The following SPEG variants were observed in gnomAD, a reference collection of about 807,000 sequenced individuals.
The protein encoded by SPEG is striated muscle enriched protein kinase.
A neutral mutation model predicts 300.4 loss-of-function variants in SPEG; 114 were observed. The observed-to-expected ratio is 0.38, with a 90% CI of 0.33 to 0.44. SPEG has a LOEUF of 0.44. Among genes scored for constraint, SPEG ranks in the 20% least tolerant of loss-of-function variants. The pLI is 1.00. For missense variants in SPEG, 4,201 were observed against 4,586.2 expected, an observed-to-expected ratio of 0.92 and a Z score of 2.43; for synonymous variants, 1,964 against 2,018.9, an observed-to-expected ratio of 0.97 and a Z score of 0.73.
chr2:219,437,462 C>T lies in SPEG; in HGVS notation c.388+2097C>T, dbSNP rs62191874. ...GGCTGACAGTGTGCAGGCTGGGCTG[C>T]TCTGGTGGAACAGCAGGCTTGAGAG... On this transcript the variant is annotated intron_variant, in intron 1 of 40. Coordinates refer to ENST00000312358, the MANE Select transcript of SPEG (RefSeq NM_005876.5). 1,259 of 152,354 alleles carry T rather than the reference C, an allele frequency of 8.3e-3. 10 individuals carry two copies. Among genetic ancestry groups the T allele is most frequent in the Non-Finnish European group, 0.011 (782 of 68,118 alleles). The allele number at this position is 152,354 out of a possible 1,614,324, so 9.4% of individuals were successfully genotyped here.
rs939941000 is a variant in SPEG at position 219,445,343 on chromosome 2, G to A, written c.815+182G>A. Reference sequence around the variant, plus strand: ...TCCCTCCTCCTCCTGAGCCATCACCGCCCACATCCCCCTGCTCCCACCTGT... The same window carrying A: ...TCCCTCCTCCTCCTGAGCCATCACCACCCACATCCCCCTGCTCCCACCTGT... On this transcript the variant is annotated intron_variant, in intron 3 of 40. Transcript: ENST00000312358. The surrounding 1 kb of genome is among the most constrained non-coding windows in gnomAD (Gnocchi z 6.1). Among the ~76,000 whole-genome samples, 12 of 151,988 alleles carry A rather than the reference G, an allele frequency of 7.9e-5. No homozygotes were observed. The East Asian group carries it at 1.7e-3, about 22-fold the overall frequency.
rs1692793920 is a variant in SPEG at position 219,481,028 on chromosome 2, T to TC, written c.5370-275dup. ...GGCACATCCCCTTGGCACAGACTCT[T>TC]CACTCATGGAGAGGCCACACTGGAG... On this transcript the variant is annotated intron_variant, in intron 26 of 40. Transcript: ENST00000312358. This position sits in a 1 kb window ranked among gnomAD's most constrained non-coding sequence, Gnocchi z 5.4. 6.6e-6 allele frequency among the ~76,000 whole-genome samples: 1 copy of TC among 152,146 alleles called. No individual in the cohort carries two copies. Among genetic ancestry groups the TC allele is most frequent in the Non-Finnish European group, 1.5e-5 (1 of 68,012 alleles).
chr2:219,485,390 C>CCGG lies in SPEG; in HGVS notation c.7656_7657insGCG (p.Pro2552_Arg2553insAla). The CCGG allele has an allele frequency of 1.9e-6, 3 of 1,607,748 alleles. No individual in the cohort carries two copies. The highest frequency in any genetic ancestry group is 2.5e-6 in the Non-Finnish European group (3 of 1,177,524). ...CCGGCTCCGCTGGGGCTTCTCTCGG[C>CCGG]CGCGGAAGGACAAGGGGTTATCGCC... On this transcript the variant is annotated inframe_insertion, in exon 31 of 41. Transcript: ENST00000312358.
In SPEG at chr2:219,479,042, T is replaced by C. The variant is rs1023412115; in HGVS notation, c.5028-102T>C. On this transcript the variant is annotated intron_variant, in intron 22 of 40. Coordinates refer to ENST00000312358, the MANE Select transcript of SPEG (RefSeq NM_005876.5). This position sits in a 1 kb window ranked among gnomAD's most constrained non-coding sequence, Gnocchi z 5.5. The stretch of plus-strand genomic sequence containing the variant: ...TCTCTGGCTAGTATCAAGCATTCTG[T>C]AAGGGGAAGGAGAACCCCGTGCTGA... 3.0e-6 allele frequency: 3 copies of C among 997,932 alleles called. No homozygotes were observed. Among genetic ancestry groups the C allele is most frequent in the African/African-American group, 3.2e-5 (2 of 63,294 alleles). 61.8% of individuals were successfully genotyped at this position (997,932 alleles called of 1,614,324 possible).
chr2:219,482,101 T>G, intron 28 of SPEG: 1 of 234,650 alleles, frequency 4.3e-6, no homozygotes, highest in Non-Finnish European at 8.4e-6. Flanking sequence ...GAGCAGGTTC[T>G]CGGTTCTCAC....
chr2:219,452,072 C>T (rs1689804435), intron 6 of SPEG, among the ~76,000 whole-genome samples: 1 of 151,954 alleles, frequency 6.6e-6, no homozygotes, highest in Non-Finnish European at 1.5e-5. Flanking sequence ...TTTAGCCATC[C>T]TCTAAATGCC....
At position 219,479,263 on chromosome 2, in the gene SPEG, GAACC is replaced by G. The variant is rs1210858879; in HGVS notation, c.5085+66_5085+69del. The G allele has an allele frequency of 1.3e-5, 19 of 1,456,926 alleles. No individual in the cohort carries two copies. The highest frequency in any genetic ancestry group is 5.1e-5 in the Admixed American group (3 of 58,334). The allele number at this position is 1,456,926 out of a possible 1,614,324, so 90.2% of individuals were successfully genotyped here. A position where few individuals can be genotyped will look rare whatever the true frequency, so the allele number is the denominator to read the frequency against. On this transcript the variant is annotated intron_variant, in intron 23 of 40. Transcript: ENST00000312358. This position sits in a 1 kb window ranked among gnomAD's most constrained non-coding sequence, Gnocchi z 5.5. ...CAGCCTTCACCCACCTGAGCTTTGAGAACCAACAAATGGGTCCTGAGTGTGCCAT... is the reference window on the plus strand; with the variant it reads ...CAGCCTTCACCCACCTGAGCTTTGAGAACAAATGGGTCCTGAGTGTGCCAT...
chr2:219,476,346 C>G (rs1243426353), intron 18 of SPEG, among the ~76,000 whole-genome samples: 1 of 152,158 alleles, frequency 6.6e-6, no homozygotes, highest in East Asian at 1.9e-4. Context: ...CATCCATGAG[C>G]TTAATTCAGG....
In SPEG at chr2:219,448,191, C is replaced by T; in HGVS notation, c.1033C>T (p.Pro345Ser). 6.2e-7 allele frequency: 1 copy of T among 1,612,330 alleles called. No homozygotes were observed. The highest frequency in any genetic ancestry group is 8.5e-7 in the Non-Finnish European group (1 of 1,179,578). Residue 345 changes from proline to serine, a missense_variant, in exon 4 of 41, where the codon CCC becomes TCC. By Grantham distance (74) the Pro-to-Ser change is moderately conservative. This residue lies in a region of SPEG where 1,258 missense variants were observed against 1,293.9 expected (regional missense o/e 0.97). Coordinates refer to ENST00000312358, the MANE Select transcript of SPEG (RefSeq NM_005876.5). ...PHRRTQEPVL[P>S]EDTTTEEKRG... Reference sequence around the variant, plus strand: ...CCGTCGCACTCAGGAGCCTGTGCTGCCCGAGGACACCACCACCGAAGAGAA... The same window carrying T: ...CCGTCGCACTCAGGAGCCTGTGCTGTCCGAGGACACCACCACCGAAGAGAA...
At position 219,456,163 on chromosome 2, in the gene SPEG, C is replaced by T. The variant is rs540374106; in HGVS notation, c.2440+4356C>T. 5.9e-5 allele frequency among the ~76,000 whole-genome samples: 9 copies of T among 152,328 alleles called. No homozygotes were observed. In the East Asian group the frequency reaches 1.7e-3, roughly 29 times the overall value. On this transcript the variant is annotated intron_variant, in intron 6 of 40. Transcript: ENST00000312358. ...ATAGCTCATCGAAGCCCATTCTGGT[C>T]CCACTCATAGAATCAACATGACCAC... is the stretch of plus-strand genomic sequence containing the variant.
chr2:219,482,962 G>A, intron 29 of SPEG, 110 bp downstream of exon 29: 3 of 1,404,326 alleles, frequency 2.1e-6, no homozygotes, highest in Non-Finnish European at 3.0e-6. Flanking sequence ...CGCTTTCACT[G>A]GCTCCATGCC....
At chr2:219,456,638 G>A (rs1025184995) in intron 6 of SPEG, among the ~76,000 whole-genome samples, 1 of 152,180 alleles carries the variant, frequency 6.6e-6, no homozygotes, top group African/African-American at 2.4e-5. Context: ...GACCGGGTGC[G>A]GTGGCTCACG....
rs1205643916 is a variant in SPEG at position 219,443,094 on chromosome 2, C to T, written c.389-1559C>T. 1 of 1,611,644 alleles carries T rather than the reference C, an allele frequency of 6.2e-7. No individual in the cohort carries two copies. The highest frequency in any genetic ancestry group is 2.2e-5 in the East Asian group (1 of 44,832). On this transcript the variant is annotated intron_variant, in intron 1 of 40. Transcript: ENST00000312358. The surrounding 1 kb of genome is among the most constrained non-coding windows in gnomAD (Gnocchi z 4.6). ...CCTCCCCCTCAACTACTCATTCTGG[C>T]TTTTCTCTTTCAGAAAACCGGCCAT...
rs765772259 is a variant in SPEG at position 219,483,361 on chromosome 2, G to A, written c.5898G>A (p.Gly1966=). 6 of 1,604,848 alleles carry A rather than the reference G, an allele frequency of 3.7e-6. No individual in the cohort carries two copies. The highest frequency in any genetic ancestry group is 2.2e-5 in the East Asian group (1 of 44,710). ...EDEALGTPET[G]AATPMDWQEQ... ...AGGCCCTGGGGACCCCAGAGACTGG[G>A]GCTGCCACCCCCATGGACTGGCAGG... is the stretch of plus-strand genomic sequence containing the variant. The change falls in exon 30 of 41, where the codon GGG becomes GGA. Residue 1966 remains glycine (G), a synonymous_variant. Coordinates refer to ENST00000312358, the MANE Select transcript of SPEG (RefSeq NM_005876.5).
Position 219,464,340 on chromosome 2 carries a change from G to T in SPEG, c.2706-93G>T. The T allele has an allele frequency of 7.5e-7, 1 of 1,336,074 alleles. No homozygotes were observed. The highest frequency in any genetic ancestry group is 2.3e-5 in the East Asian group (1 of 43,068). The allele number at this position is 1,336,074 out of a possible 1,614,324, so 82.8% of individuals were successfully genotyped here. A position where few individuals can be genotyped will look rare whatever the true frequency, so the allele number is the denominator to read the frequency against. ...CTGGGGACTGGGCAAACTGCACAGG[G>T]AAGGAGAGGCCTGCACAGTGCTGCA... On this transcript the variant is annotated intron_variant, in intron 8 of 40. Transcript: ENST00000312358. The surrounding 1 kb of genome is among the most constrained non-coding windows in gnomAD (Gnocchi z 4.5).
chr2:219,448,805 C>T lies in SPEG; in HGVS notation c.1647C>T (p.Ser549=). 1.4e-6 allele frequency: 2 copies of T among 1,403,078 alleles called. No individual in the cohort carries two copies. Among genetic ancestry groups the T allele is most frequent in the Non-Finnish European group, 1.8e-6 (2 of 1,086,888 alleles). 86.9% of individuals were successfully genotyped at this position (1,403,078 alleles called of 1,614,324 possible). The change falls in exon 4 of 41, where the codon AGC becomes AGT. Residue 549 remains serine (S), a synonymous_variant. Coordinates refer to ENST00000312358, the MANE Select transcript of SPEG (RefSeq NM_005876.5). The part of the protein sequence containing the change: ...PSTPKTSRAV[S]PAAAQPPSPS... ...CCCCCAAGACATCGCGGGCCGTGAG[C>T]CCCGCCGCCGCCCAGCCGCCCTCTC... is the stretch of plus-strand genomic sequence containing the variant.
chr2:219,435,375 AG>A lies in SPEG; in HGVS notation c.388+12del. ...GTGCTGGAGGTCGGAGGTAAAGGGC[AG>A]GTGGGGGCCGCGCCCGGCAGGGGCG... is the stretch of plus-strand genomic sequence containing the variant. On this transcript the variant is annotated intron_variant, in intron 1 of 40. Coordinates refer to ENST00000312358, the MANE Select transcript of SPEG (RefSeq NM_005876.5). The A allele has an allele frequency of 2.0e-6, 3 of 1,529,066 alleles. No homozygotes were observed. Among genetic ancestry groups the A allele is most frequent in the Non-Finnish European group, 2.6e-6 (3 of 1,146,022 alleles). The allele number at this position is 1,529,066 out of a possible 1,614,324, so 94.7% of individuals were successfully genotyped here.
Position 219,488,831 on chromosome 2 carries a change from G to A in SPEG, c.8080G>A (p.Ala2694Thr). ...GGTACCCCAGACCTACCAGGACACG[G>A]CGCTGGTGCTGTGGAAGCCGGGAGA... is the stretch of plus-strand genomic sequence containing the variant. ...PEVPQTYQDT[A>T]LVLWKPGDSR... Residue 2694 changes from alanine to threonine, a missense_variant, in exon 34 of 41, where the codon GCG (alanine) becomes ACG (threonine). Ala to Thr is a moderately conservative substitution (Grantham distance 58). Coordinates refer to ENST00000312358, the MANE Select transcript of SPEG (RefSeq NM_005876.5). 6.3e-7 allele frequency: 1 copy of A among 1,594,504 alleles called. No homozygotes were observed. The highest frequency in any genetic ancestry group is 8.6e-7 in the Non-Finnish European group (1 of 1,169,296).
chr2:219,464,810 GT>G lies in SPEG; in HGVS notation c.2881+204del. 2 of 583,548 alleles carry G rather than the reference GT, an allele frequency of 3.4e-6. No homozygotes were observed. Among genetic ancestry groups the G allele is most frequent in the Non-Finnish European group, 6.1e-6 (2 of 327,822 alleles). 36.1% of individuals were successfully genotyped at this position (583,548 alleles called of 1,614,324 possible). On this transcript the variant is annotated intron_variant, in intron 9 of 40. Transcript: ENST00000312358. This position sits in a 1 kb window ranked among gnomAD's most constrained non-coding sequence, Gnocchi z 4.5. Reference sequence around the variant, plus strand: ...CCTGCCCAAAGCTGCACAGCACATTGTTCCGTGCTCAGCTTACTACACAACA... The same window carrying G: ...CCTGCCCAAAGCTGCACAGCACATTGTCCGTGCTCAGCTTACTACACAACA...
Sources: gnomAD v4.1 joint callset for allele counts (sites outside exome capture counted in the v4.1 genomes callset) on GRCh38, gnomAD v4.1.1 for gene constraint, gnomAD v4.1.1 regional missense constraint, Gnocchi (gnomAD v3.1) non-coding constraint, MANE v1.5 for transcripts, NCBI Gene and HGNC (gene_info 2026-07-23, HGNC 2026-07-21) for gene names.